The following ACBD5 variants were observed in gnomAD, a reference collection of about 807,000 sequenced individuals.
The protein encoded by ACBD5 is acyl-CoA-binding domain-containing protein 5.
Under a neutral mutation model 71.8 loss-of-function variants are expected in ACBD5, and 40 were observed. The observed-to-expected ratio is 0.56, with a 90% CI of 0.43 to 0.72. The LOEUF is 0.72. Among genes scored for constraint, ACBD5 ranks in the 30% least tolerant of loss-of-function variants. The pLI, the probability that ACBD5 is intolerant of heterozygous loss-of-function variation, is 0.00. For missense variants in ACBD5, 559 were observed against 644.5 expected (o/e 0.87, Z 1.44); for synonymous variants, 229 against 218.6 (o/e 1.05, Z -0.42).
chr10:27,197,216 T>C lies in ACBD5; in HGVS notation c.*214A>G, dbSNP rs2059450471. On this transcript the variant is annotated 3_prime_UTR_variant, in exon 13 of 13. Transcript: ENST00000396271. Reference sequence around the variant, plus strand: ...TATACTACTTATAACCTAGTAGAGATTGATTATTCAAGTATCAGCAATATT... The same window carrying C: ...TATACTACTTATAACCTAGTAGAGACTGATTATTCAAGTATCAGCAATATT... 4.6e-6 allele frequency: 3 copies of C among 650,338 alleles called. No homozygotes were observed. The highest frequency in any genetic ancestry group is 8.6e-6 in the Non-Finnish European group (3 of 350,592). 40.3% of individuals were successfully genotyped at this position (650,338 alleles called of 1,614,324 possible). A position where few individuals can be genotyped will look rare whatever the true frequency, so the allele number is the denominator to read the frequency against.
At chr10:27,211,443 C>A (rs1290577309) in intron 8 of ACBD5, among the ~76,000 whole-genome samples, 1 of 152,146 alleles carries the variant, frequency 6.6e-6, no homozygotes, top group Non-Finnish European at 1.5e-5. Flanking sequence ...TCCTCAGCCT[C>A]CCGAGTAGCT....
intron 6 of ACBD5, 58 bp from the exon 7 acceptor site, chr10:27,218,241 A>T: frequency 7.6e-7 from 1 of 1,324,158 alleles, no homozygotes; most frequent in Non-Finnish European, 1.1e-6. Flanking sequence ...CCTTCTGCAT[A>T]CCATGTTTTA....
rs2065296621 is a variant in ACBD5, at chr10:27,240,200, C to T, written c.181+119G>A. 1 of 1,497,700 alleles carries T rather than the reference C, an allele frequency of 6.7e-7. No homozygotes were observed. The highest frequency in any genetic ancestry group is 1.4e-5 in the African/African-American group (1 of 72,274). 92.8% of individuals were successfully genotyped at this position (1,497,700 alleles called of 1,614,324 possible). A position where few individuals can be genotyped will look rare whatever the true frequency, so the allele number is the denominator to read the frequency against. Reference sequence around the variant, plus strand: ...AATTCATATTCAATAGCTCCCCTTCCACTACATGGCTCCTACACAGAAAAA... The same window carrying T: ...AATTCATATTCAATAGCTCCCCTTCTACTACATGGCTCCTACACAGAAAAA... On this transcript the variant is annotated intron_variant, in intron 2 of 12. Coordinates refer to ENST00000396271, the MANE Select transcript of ACBD5 (RefSeq NM_145698.5). The surrounding 1 kb of genome is among the most constrained non-coding windows in gnomAD (Gnocchi z 4.1).
chr10:27,186,499 C>T (rs768523040), intron 13 of ACBD5: 1 of 1,614,130 alleles, frequency 6.2e-7, no homozygotes, highest in South Asian at 1.1e-5. Flanking sequence ...GCCAGGAATA[C>T]TGCTCAGCAC....
intron 11 of ACBD5, 25 bp from the exon 12 acceptor site, chr10:27,204,574 A>G (rs1247817061): frequency 1.5e-5 from 23 of 1,545,144 alleles, no homozygotes; most frequent in Non-Finnish European, 2.1e-5. Flanking sequence ...TAAGCTTGTC[A>G]CCAATCTATT....
At chr10:27,198,212 T>A (rs755298897) in intron 12 of ACBD5, among the ~76,000 whole-genome samples, 2 of 152,166 alleles carry the variant, frequency 1.3e-5, no homozygotes, top group Non-Finnish European at 2.9e-5. Flanking sequence ...TGAGGCAGGC[T>A]CTCAGGCCTC....
chr10:27,193,978 C>T (rs1001222285), downstream of ACBD5, among the ~76,000 whole-genome samples: 2 of 152,238 alleles, frequency 1.3e-5, no homozygotes, highest in African/African-American at 4.8e-5. Flanking sequence ...AGGCCAGGCG[C>T]GGTGGCTCAC....
At chr10:27,224,563 A>G (rs2062772830) in intron 4 of ACBD5, among the ~76,000 whole-genome samples, 1 of 152,266 alleles carries the variant, frequency 6.6e-6, no homozygotes, top group Admixed American at 6.5e-5. Context: ...ATATGGGCCA[A>G]TTTAGAATCA....
chr10:27,204,626 AT>A, intron 11 of ACBD5, 77 bp from the exon 12 acceptor site: 1 of 1,037,866 alleles, frequency 9.6e-7, no homozygotes, highest in Non-Finnish European at 1.5e-6. Flanking sequence ...CTAATTCATA[AT>A]TTTGAAAGTA....
At chr10:27,240,939 C>T (rs2065429100), upstream of ACBD5, 3 of 603,576 alleles carry the variant, frequency 5.0e-6, no homozygotes, top group African/African-American at 5.6e-5. This position sits in a 1 kb window ranked among gnomAD's most constrained non-coding sequence, Gnocchi z 4.1. Context: ...CGTCTGTCCC[C>T]AGAGGAGGGT....
intron 8 of ACBD5, among the ~76,000 whole-genome samples, chr10:27,214,420 G>A (rs1335183310): frequency 1.3e-5 from 2 of 151,806 alleles, no homozygotes; most frequent in Admixed American, 1.3e-4. Context: ...TCGCCTTCTT[G>A]CCCAGGCTGG....
chr10:27,183,164 A>G (rs2058423898), intron 13 of ACBD5, among the ~76,000 whole-genome samples: 1 of 152,224 alleles, frequency 6.6e-6, no homozygotes, highest in Non-Finnish European at 1.5e-5. Flanking sequence ...GGCTCAAGAC[A>G]AACTTGGTAT....
At chr10:27,225,539 G>A (rs2062909307) in intron 4 of ACBD5, among the ~76,000 whole-genome samples, 1 of 152,160 alleles carries the variant, frequency 6.6e-6, no homozygotes, top group Non-Finnish European at 1.5e-5. Flanking sequence ...CTGCTCCTCT[G>A]AATGTACTGT....
intron 4 of ACBD5, among the ~76,000 whole-genome samples, chr10:27,226,213 T>C (rs942144190): frequency 6.6e-6 from 1 of 152,112 alleles, no homozygotes; most frequent in Non-Finnish European, 1.5e-5. Context: ...AAGGGTATAC[T>C]GTGTGATGCT....
intron 12 of ACBD5, among the ~76,000 whole-genome samples, chr10:27,200,875 T>G (rs1347750116): frequency 6.6e-6 from 1 of 152,112 alleles, no homozygotes. Flanking sequence ...CCCTTTCTTG[T>G]AACAATAATA....
chr10:27,196,184 G>A lies in ACBD5; in HGVS notation c.*1246C>T. On this transcript the variant is annotated 3_prime_UTR_variant, in exon 13 of 13. Transcript: ENST00000396271. The stretch of plus-strand genomic sequence containing the variant: ...CATTGCCCTCCAGCCTGGGCAACAA[G>A]AGAGAAACTCCATTTAAAAAAAAAA... The A allele has an allele frequency of 2.2e-6, 1 of 453,602 alleles. No individual in the cohort carries two copies. The highest frequency in any genetic ancestry group is 4.4e-6 in the Non-Finnish European group (1 of 226,742). 28.1% of individuals were successfully genotyped at this position (453,602 alleles called of 1,614,324 possible).
At chr10:27,240,843 G>A, upstream of ACBD5, 2 of 1,193,096 alleles carry the variant, frequency 1.7e-6, no homozygotes, top group East Asian at 2.6e-5. The surrounding 1 kb of genome is among the most constrained non-coding windows in gnomAD (Gnocchi z 4.1). Context: ...GTCACCGGAG[G>A]ACCCACTGGC....
chr10:27,195,290 T>A lies in ACBD5; in HGVS notation c.*2140A>T. ...AGAAGTTATCATTAAAAAAATACCA[T>A]AGCTGTCAAGTTTAAATGAGGTTCT... On this transcript the variant is annotated 3_prime_UTR_variant, in exon 13 of 13. Transcript: ENST00000396271. 1 of 440,784 alleles carries A rather than the reference T, an allele frequency of 2.3e-6. No individual in the cohort carries two copies. The highest frequency in any genetic ancestry group is 4.5e-6 in the Non-Finnish European group (1 of 223,288). The allele number at this position is 440,784 out of a possible 1,614,324, so 27.3% of individuals were successfully genotyped here.
intron 8 of ACBD5, among the ~76,000 whole-genome samples, chr10:27,213,401 T>C (rs1221851546): frequency 6.6e-6 from 1 of 152,142 alleles, no homozygotes; most frequent in African/African-American, 2.4e-5. Flanking sequence ...CCCCTGTACA[T>C]TGTCGGTGAG....
Sources: gnomAD v4.1 joint callset for allele counts (sites outside exome capture counted in the v4.1 genomes callset) on GRCh38, gnomAD v4.1.1 for gene constraint, Gnocchi (gnomAD v3.1) non-coding constraint, MANE v1.5 for transcripts, NCBI Gene and HGNC (gene_info 2026-07-23, HGNC 2026-07-21) for gene names.